ZNF148: variants seen among roughly 807,000 people sequenced by gnomAD.
ZNF148 encodes Beta-Enolase Repressor Factor-1.
A neutral mutation model predicts 67.7 loss-of-function variants in ZNF148; 7 were observed. The observed-to-expected ratio is 0.10, with a 90% CI of 0.06 to 0.19. The LOEUF (loss-of-function observed/expected upper bound fraction) is 0.19. Ranked by LOEUF, ZNF148 falls within the 10% of genes least tolerant of loss-of-function variation. The pLI is 1.00. For synonymous variants in ZNF148, 333 were observed against 330.7 expected (o/e 1.01, Z -0.08); for missense variants, 583 against 947.1 (o/e 0.62, Z 5.05).
chr3:125,261,876 A>G (rs1937359885), intron 7 of ZNF148, among the ~76,000 whole-genome samples: 1 of 149,430 alleles, frequency 6.7e-6, no homozygotes, highest in Non-Finnish European at 1.5e-5. Context: ...AATAATATTA[A>G]GCTTTGTAGA....
intron 7 of ZNF148, among the ~76,000 whole-genome samples, chr3:125,245,338 AAC>A (rs1428551791): frequency 3.9e-5 from 6 of 152,100 alleles, no homozygotes; most frequent in Admixed American, 1.3e-4. Context: ...TGCTTTCTAA[AAC>A]AATTTTCCTG....
intron 2 of ZNF148, among the ~76,000 whole-genome samples, chr3:125,324,825 AT>A (rs534120959): frequency 3.7e-4 from 57 of 152,284 alleles, no homozygotes; most frequent in African/African-American, 9.4e-4. Context: ...CAGTTTATAT[AT>A]TTTTTTAAGA....
chr3:125,231,704 A>G lies in ZNF148; in HGVS notation c.*637T>C, dbSNP rs1286377989. 6.6e-6 allele frequency: 1 copy of G among 152,568 alleles called. No individual in the cohort carries two copies. Among genetic ancestry groups the G allele is most frequent in the Non-Finnish European group, 1.5e-5 (1 of 68,004 alleles). The allele number at this position is 152,568 out of a possible 1,614,324, so 9.5% of individuals were successfully genotyped here. A position where few individuals can be genotyped will look rare whatever the true frequency, so the allele number is the denominator to read the frequency against. On this transcript the variant is annotated 3_prime_UTR_variant, in exon 9 of 9. Coordinates refer to ENST00000360647, the MANE Select transcript of ZNF148 (RefSeq NM_021964.3). ...TGAAAGTATGCATATTTTTAAAGTA[A>G]TTAGGCTTTTAAATAGTGGAGTCTT...
At chr3:125,314,515 AT>A (rs1274981915) in intron 3 of ZNF148, among the ~76,000 whole-genome samples, 7 of 152,214 alleles carry the variant, frequency 4.6e-5, no homozygotes, top group Admixed American at 2.0e-4. Flanking sequence ...CCTAAGTTAA[AT>A]TCCAACACAC....
intron 7 of ZNF148, among the ~76,000 whole-genome samples, chr3:125,241,104 C>T (rs986532500): frequency 6.6e-5 from 10 of 151,714 alleles, no homozygotes; most frequent in Middle Eastern, 3.4e-3. Flanking sequence ...TTAAAACTAG[C>T]CATTCTAGAT....
chr3:125,234,685 C>T (rs1936005547), intron 7 of ZNF148, among the ~76,000 whole-genome samples: 1 of 152,060 alleles, frequency 6.6e-6, no homozygotes, highest in Non-Finnish European at 1.5e-5. Context: ...CAAAAAGTTA[C>T]CCATGCACAA....
rs943796809 is a variant in ZNF148, at chr3:125,230,223, A to G, written c.*2118T>C. On this transcript the variant is annotated 3_prime_UTR_variant, in exon 9 of 9. Coordinates refer to ENST00000360647, the MANE Select transcript of ZNF148 (RefSeq NM_021964.3). Reference sequence around the variant, plus strand: ...GAACAAAATTTTTGATCAGGCTCCAAAACAACTCAAGAAATAAATGCCTAC... The same window carrying G: ...GAACAAAATTTTTGATCAGGCTCCAGAACAACTCAAGAAATAAATGCCTAC... The G allele has an allele frequency of 1.3e-5, 2 of 152,576 alleles. No individual in the cohort carries two copies. Among genetic ancestry groups the G allele is most frequent in the African/African-American group, 4.8e-5 (2 of 41,434 alleles). The allele number at this position is 152,576 out of a possible 1,614,324, so 9.5% of individuals were successfully genotyped here. A position where few individuals can be genotyped will look rare whatever the true frequency, so the allele number is the denominator to read the frequency against.
chr3:125,262,699 C>T (rs1270917255), intron 7 of ZNF148, among the ~76,000 whole-genome samples: 1 of 152,166 alleles, frequency 6.6e-6, no homozygotes, highest in South Asian at 2.1e-4. Flanking sequence ...CATTCAAAAG[C>T]TCCCAATAAG....
intron 4 of ZNF148, among the ~76,000 whole-genome samples, chr3:125,310,023 AAATACTTGGATATT>A (rs1483307649): frequency 2.0e-5 from 3 of 152,118 alleles, no homozygotes; most frequent in Non-Finnish European, 4.4e-5. Context: ...AAATATCTCA[AAATACTTGGATATT>A]AAACAACACA....
At chr3:125,300,031 G>C (rs1183982996) in intron 4 of ZNF148, among the ~76,000 whole-genome samples, 3 of 152,166 alleles carry the variant, frequency 2.0e-5, no homozygotes, top group Non-Finnish European at 4.4e-5. Flanking sequence ...GAGGGCAGTG[G>C]TGCCATCTCG....
intron 7 of ZNF148, among the ~76,000 whole-genome samples, chr3:125,251,332 C>T (rs1054080234): frequency 6.6e-6 from 1 of 152,124 alleles, no homozygotes; most frequent in African/African-American, 2.4e-5. Flanking sequence ...ATAGAAAGTA[C>T]ACAGAAGGTA....
At chr3:125,336,066 C>A (rs757026567) in intron 1 of ZNF148, among the ~76,000 whole-genome samples, 1 of 152,180 alleles carries the variant, frequency 6.6e-6, no homozygotes, top group East Asian at 1.9e-4. Flanking sequence ...TGATAAAGAA[C>A]ATAGTTCTTG....
At chr3:125,238,089 C>A (rs1404829187) in intron 7 of ZNF148, among the ~76,000 whole-genome samples, 1 of 151,920 alleles carries the variant, frequency 6.6e-6, no homozygotes, top group African/African-American at 2.4e-5. Flanking sequence ...AGTTAGACCC[C>A]CCCCAACCAA....
intron 5 of ZNF148, among the ~76,000 whole-genome samples, chr3:125,286,065 C>T (rs552370243): frequency 6.6e-6 from 1 of 152,028 alleles, no homozygotes; most frequent in Non-Finnish European, 1.5e-5. Flanking sequence ...GAAATAGATA[C>T]CCCATAGATC....
At chr3:125,239,562 G>A (rs1936250826) in intron 7 of ZNF148, among the ~76,000 whole-genome samples, 2 of 152,100 alleles carry the variant, frequency 1.3e-5, no homozygotes, top group Admixed American at 1.3e-4. Flanking sequence ...CCTCATACAA[G>A]GCTGGTAGAA....
At chr3:125,293,229 C>G (rs568404292) in intron 4 of ZNF148, among the ~76,000 whole-genome samples, 1 of 152,220 alleles carries the variant, frequency 6.6e-6, no homozygotes, top group African/African-American at 2.4e-5. Flanking sequence ...CATTTGAGAG[C>G]TGCTAATCTA....
intron 7 of ZNF148, among the ~76,000 whole-genome samples, chr3:125,260,683 G>A (rs1937296568): frequency 6.6e-6 from 1 of 152,156 alleles, no homozygotes; most frequent in South Asian, 2.1e-4. Flanking sequence ...CTTGACTGTG[G>A]TAGTAGTTAC....
intron 2 of ZNF148, among the ~76,000 whole-genome samples, chr3:125,329,155 A>G (rs1941159609): frequency 6.6e-6 from 1 of 150,548 alleles, no homozygotes. Flanking sequence ...AAACATGAGT[A>G]AAGAAGTGAA....
intron 2 of ZNF148, among the ~76,000 whole-genome samples, chr3:125,328,694 A>G (rs997568799): frequency 1.4e-4 from 22 of 152,238 alleles, no homozygotes; most frequent in African/African-American, 5.3e-4. Flanking sequence ...ACAAGTATAT[A>G]AAGAGCTCCA....
Sources: allele counts gnomAD v4.1 joint callset (sites outside exome capture counted in the v4.1 genomes callset), GRCh38; gene constraint gnomAD v4.1.1; transcripts MANE v1.5; gene names NCBI Gene and HGNC (gene_info 2026-07-23, HGNC 2026-07-21).